PMFBP1: variants seen among roughly 807,000 people sequenced by gnomAD.
The protein encoded by PMFBP1 is polyamine-modulated factor 1-binding protein 1.
PMFBP1 carries 131 observed loss-of-function variants against 137.8 expected under a neutral mutation model. The ratio of observed to expected loss-of-function variants is 0.95; its 90% confidence interval spans 0.82 to 1.10. PMFBP1 has a LOEUF of 1.10. Ranked by LOEUF, PMFBP1 falls within the 50% of genes least tolerant of loss-of-function variation. PMFBP1 has a pLI of 0.00. For synonymous variants in PMFBP1, 490 were observed against 450.4 expected (o/e 1.09, Z -1.11); for missense variants, 1,199 against 1,175.4 (o/e 1.02, Z -0.29).
the PMFBP1 span, among the ~76,000 whole-genome samples, chr16:72,213,884 G>A: frequency 8.5e-5 from 13 of 152,258 alleles, no homozygotes; most frequent in Admixed American, 2.0e-4. Context: ...GAAAGAAAAC[G>A]CAATCATAGT....
intron 3 of PMFBP1, among the ~76,000 whole-genome samples, chr16:72,157,734 T>C (rs1006539414): frequency 1.3e-5 from 2 of 152,150 alleles, no homozygotes; most frequent in African/African-American, 4.8e-5. Flanking sequence ...TGGCTGTTTA[T>C]TGGAAATCAA....
chr16:72,124,217 C>T (rs754036895), intron 17 of PMFBP1, among the ~76,000 whole-genome samples: 1 of 152,204 alleles, frequency 6.6e-6, no homozygotes, highest in Non-Finnish European at 1.5e-5. Context: ...TGCTATGTTG[C>T]CCAGGCTGGT....
At chr16:72,184,152 A>G in the PMFBP1 span, among the ~76,000 whole-genome samples, 2 of 152,054 alleles carry the variant, frequency 1.3e-5, no homozygotes, top group African/African-American at 4.8e-5. Flanking sequence ...CATTCCTGAA[A>G]TGGTCCCAGG....
intron 4 of PMFBP1, among the ~76,000 whole-genome samples, chr16:72,153,097 G>C (rs988125111): frequency 6.6e-6 from 1 of 152,136 alleles, no homozygotes; most frequent in Non-Finnish European, 1.5e-5. Context: ...CTCATTCAGG[G>C]TCACTTTATC....
In PMFBP1 at chr16:72,125,223, C is replaced by T; in HGVS notation, c.2421+15G>A. The T allele has an allele frequency of 6.2e-7, 1 of 1,609,758 alleles. No individual in the cohort carries two copies. Among genetic ancestry groups the T allele is most frequent in the East Asian group, 2.2e-5 (1 of 44,870 alleles). The stretch of plus-strand genomic sequence containing the variant: ...CCTACCAGGAAGGCAGCCCAAGCCC[C>T]TGGCAGCTCCTCACCTCCAGCTCAC... On this transcript the variant is annotated intron_variant, in intron 16 of 20. Coordinates refer to ENST00000237353, the MANE Select transcript of PMFBP1 (RefSeq NM_031293.3).
intron 20 of PMFBP1, 45 bp from the exon 21 acceptor site, chr16:72,119,399 T>A: frequency 1.2e-6 from 2 of 1,613,922 alleles, no homozygotes; most frequent in South Asian, 1.1e-5. Context: ...CGAGGAGAAA[T>A]TAACGAGGTG....
chr16:72,133,023 G>A (rs1000879243), intron 9 of PMFBP1, 32 bp from the exon 10 acceptor site: 1 of 1,610,396 alleles, frequency 6.2e-7, no homozygotes, highest in African/African-American at 1.3e-5. Context: ...TGCTGGGAAA[G>A]GTCTGAGTGG....
At position 72,119,357 on chromosome 16, in the gene PMFBP1, G is replaced by A; in HGVS notation, c.3008-3C>T. 6.2e-7 allele frequency: 1 copy of A among 1,614,198 alleles called. No individual in the cohort carries two copies. Among genetic ancestry groups the A allele is most frequent in the East Asian group, 2.2e-5 (1 of 44,888 alleles). On this transcript the variant is annotated splice_polypyrimidine_tract_variant and splice_region_variant and intron_variant, in intron 20 of 20. Transcript: ENST00000237353. ...TGGATTCTAGCAGTATGAGGAACCT[G>A]AGGGAACAGGGAGGAAATGAGAGTT...
chr16:72,193,229 A>C, the PMFBP1 span, among the ~76,000 whole-genome samples: 2 of 152,006 alleles, frequency 1.3e-5, no homozygotes, highest in Non-Finnish European at 2.9e-5. Context: ...TCTACAATAA[A>C]ATAAAATAAA....
chr16:72,220,989 C>T, the PMFBP1 span, among the ~76,000 whole-genome samples: 1 of 152,150 alleles, frequency 6.6e-6, no homozygotes, highest in Non-Finnish European at 1.5e-5. Flanking sequence ...CTTTCCCTTC[C>T]TTTCCTGCTG....
rs775525667 is a variant in PMFBP1 at position 72,124,929 on chromosome 16, GTGCACCTAC to G, written c.2422-4_2426del. ...TCTCCTCTAGCTTCTTGTCAAAGGC[GTGCACCTAC>G]TCAGGAGAGCAAAGTGAGGAGGGGG... On this transcript the variant is annotated splice_acceptor_variant and splice_polypyrimidine_tract_variant and coding_sequence_variant and intron_variant, in exon 17 of 21. Coordinates refer to ENST00000237353, the MANE Select transcript of PMFBP1 (RefSeq NM_031293.3). LOFTEE classifies it high-confidence loss of function. The G allele has an allele frequency of 1.9e-6, 3 of 1,613,876 alleles. No homozygotes were observed. The Admixed American group carries it at 5.0e-5, about 27-fold the overall frequency.
the PMFBP1 span, among the ~76,000 whole-genome samples, chr16:72,213,670 A>G: frequency 6.6e-6 from 1 of 152,240 alleles, no homozygotes; most frequent in Non-Finnish European, 1.5e-5. Context: ...TCCCACAGAA[A>G]TTGTAAGATA....
intron 3 of PMFBP1, among the ~76,000 whole-genome samples, chr16:72,162,317 T>C (rs967381235): frequency 1.3e-5 from 2 of 152,246 alleles, no homozygotes; most frequent in Admixed American, 1.3e-4. Flanking sequence ...TCCTGCTGTG[T>C]TCCTGGGATT....
chr16:72,171,463 T>C, intron 1 of PMFBP1, 195 bp from the exon 2 acceptor site: 1 of 482,132 alleles, frequency 2.1e-6, no homozygotes, highest in Admixed American at 3.5e-5. Flanking sequence ...GGACCATGGT[T>C]TTACATCTTT....
At chr16:72,242,222 C>A in the PMFBP1 span, among the ~76,000 whole-genome samples, 2 of 152,220 alleles carry the variant, frequency 1.3e-5, no homozygotes, top group Non-Finnish European at 2.9e-5. Context: ...GACAGCAAGA[C>A]AATGAGGGGA....
At chr16:72,221,346 T>C in the PMFBP1 span, among the ~76,000 whole-genome samples, 1 of 152,334 alleles carries the variant, frequency 6.6e-6, no homozygotes, top group African/African-American at 2.4e-5. Context: ...AAAAATGTGT[T>C]GCAGAGCGCC....
At chr16:72,118,541 C>A (rs1324110316), downstream of PMFBP1, among the ~76,000 whole-genome samples, 1 of 152,182 alleles carries the variant, frequency 6.6e-6, no homozygotes, top group Non-Finnish European at 1.5e-5. Flanking sequence ...TCTTTCATTT[C>A]TTTCCCTTAT....
the PMFBP1 span, among the ~76,000 whole-genome samples, chr16:72,185,637 T>C: frequency 6.6e-6 from 1 of 152,170 alleles, no homozygotes; most frequent in South Asian, 2.1e-4. Context: ...ATTGTGGGCA[T>C]ACTTGTGTGT....
chr16:72,214,103 A>C, the PMFBP1 span, among the ~76,000 whole-genome samples: 1 of 152,220 alleles, frequency 6.6e-6, no homozygotes, highest in Non-Finnish European at 1.5e-5. Context: ...TATCAGAAGA[A>C]ACAGCTAGAA....
Sources: gnomAD v4.1 joint callset for allele counts (sites outside exome capture counted in the v4.1 genomes callset) on GRCh38, gnomAD v4.1.1 for gene constraint, MANE v1.5 for transcripts, NCBI Gene and HGNC (gene_info 2026-07-23, HGNC 2026-07-21) for gene names.